IGDCC4: variants seen among roughly 807,000 people sequenced by gnomAD.
The protein encoded by IGDCC4 is likely ortholog of mouse neighbor of Punc E11.
In IGDCC4, 72 loss-of-function variants were observed where a neutral mutation model predicts 116.6. That is an observed-to-expected ratio of 0.62 (90% CI 0.51 to 0.75). The LOEUF (loss-of-function observed/expected upper bound fraction) is 0.75. Among genes scored for constraint, IGDCC4 ranks in the 30% least tolerant of loss-of-function variants. The pLI, the probability that IGDCC4 is intolerant of heterozygous loss-of-function variation, is 0.00. For missense variants in IGDCC4, 1,501 were observed against 1,662.4 expected, an observed-to-expected ratio of 0.90 and a Z score of 1.69; for synonymous variants, 709 against 719.9, an observed-to-expected ratio of 0.98 and a Z score of 0.24.
intron 7 of IGDCC4, 84 bp from the exon 8 acceptor site, chr15:65,395,342 T>C: frequency 7.2e-7 from 1 of 1,381,630 alleles, no homozygotes; most frequent in Non-Finnish European, 1.0e-6. Flanking sequence ...ATCCTTCATA[T>C]TGTCCTGGTG....
At chr15:65,412,134 G>T (rs559356299) in intron 1 of IGDCC4, among the ~76,000 whole-genome samples, 1 of 152,064 alleles carries the variant, frequency 6.6e-6, no homozygotes, top group South Asian at 2.1e-4. Flanking sequence ...AAGGAGGATC[G>T]CCTGAGCCTA....
Position 65,392,272 on chromosome 15 carries a change from T to G in IGDCC4, c.1984A>C (p.Lys662Gln). Residue 662 changes from lysine to glutamine, a missense_variant, in exon 11 of 20, where the codon AAA (lysine) becomes CAA (glutamine). Transcript: ENST00000352385. ...PPHPTQISGY[K>Q]LYWREVGAEE... is the part of the protein sequence containing the mutation. ...GCCCCCACCTCCCGCCAATATAGTT[T>G]GTAGCCAGAGATCTGGGTGGGGTGA... 6.2e-7 allele frequency: 1 copy of G among 1,609,246 alleles called. No homozygotes were observed. The highest frequency in any genetic ancestry group is 8.5e-7 in the Non-Finnish European group (1 of 1,177,314).
At chr15:65,404,671 G>GTGAATGAATGAA (rs58462797) in intron 3 of IGDCC4, among the ~76,000 whole-genome samples, 3,431 of 151,200 alleles carry the variant, frequency 0.023, 46 homozygotes, top group South Asian at 0.042. Context: ...ATGTGATTGA[G>GTGAATGAATGAA]TGAATGAATG....
chr15:65,410,623 C>G, intron 2 of IGDCC4: 1 of 489,472 alleles, frequency 2.0e-6, no homozygotes, highest in Admixed American at 3.3e-5. Flanking sequence ...CTCCTGAGAG[C>G]CCCCTAAGGG....
intron 2 of IGDCC4, chr15:65,410,526 C>T (rs2063081152): frequency 1.7e-6 from 1 of 602,550 alleles, no homozygotes; most frequent in Admixed American, 2.9e-5. Context: ...TCCAAAGCCC[C>T]CCTGCCCAAC....
In IGDCC4 at chr15:65,385,811, A is replaced by G. The variant is rs1372918016; in HGVS notation, c.3180+20T>C. 6.3e-7 allele frequency: 1 copy of G among 1,588,136 alleles called. No individual in the cohort carries two copies. Among genetic ancestry groups the G allele is most frequent in the Non-Finnish European group, 8.6e-7 (1 of 1,158,114 alleles). On this transcript the variant is annotated intron_variant, in intron 18 of 19. Transcript: ENST00000352385. ...GGTGTCCTATTTAGAAAAGAGCCGC[A>G]ATGTGGGGCTCTGACTTACCTTTCT...
rs567506121 is a variant in IGDCC4 at position 65,382,445 on chromosome 15, T to C, written c.*1564A>G. ...AAAAAAAGGAAAAATGGACTGGTTA[T>C]TTCGAATTTGGCCCAGAAGGCAGAG... On this transcript the variant is annotated 3_prime_UTR_variant, in exon 20 of 20. Coordinates refer to ENST00000352385, the MANE Select transcript of IGDCC4 (RefSeq NM_020962.3). 3.3e-5 allele frequency: 5 copies of C among 151,750 alleles called. No homozygotes were observed. Among genetic ancestry groups the C allele is most frequent in the African/African-American group, 9.7e-5 (4 of 41,178 alleles). 9.4% of individuals were successfully genotyped at this position (151,750 alleles called of 1,614,324 possible).
Position 65,411,336 on chromosome 15 carries a change from C to A in IGDCC4, c.105G>T (p.Glu35Asp). 6.3e-7 allele frequency: 1 copy of A among 1,593,192 alleles called. No homozygotes were observed. The highest frequency in any genetic ancestry group is 1.1e-5 in the South Asian group (1 of 88,240). Reference sequence around the variant, plus strand: ...GCAGTGGCCCCACTCCACAGCTCAGCTCCACAGTCGTCTCCTGGGGCAACA... The same window carrying A: ...GCAGTGGCCCCACTCCACAGCTCAGATCCACAGTCGTCTCCTGGGGCAACA... ...ELLLPQETTV[E>D]LSCGVGPLQV... The change falls in exon 2 of 20, where the codon GAG becomes GAT. Residue 35 changes from glutamate to aspartate, a missense_variant. Physicochemically the swap from Glu to Asp is conservative, Grantham distance 45. Around this residue, in one of 3 missense-constraint regions of IGDCC4, gnomAD observed 898 missense variants for 978.9 expected, o/e 0.92. Transcript: ENST00000352385.
chr15:65,405,829 C>T lies in IGDCC4; in HGVS notation c.564-3342G>A, dbSNP rs202094584. On this transcript the variant is annotated intron_variant, in intron 3 of 19. Coordinates refer to ENST00000352385, the MANE Select transcript of IGDCC4 (RefSeq NM_020962.3). ...TATAAAATGAAAAACAATCTCAACTCGAAAGGAAGGGATGATTCTTTTTCC... is the reference window on the plus strand; with the variant it reads ...TATAAAATGAAAAACAATCTCAACTTGAAAGGAAGGGATGATTCTTTTTCC... Among the ~76,000 whole-genome samples, 22 of 152,260 alleles carry T rather than the reference C, an allele frequency of 1.4e-4. No individual in the cohort carries two copies. The East Asian group carries it at 3.9e-3, about 27-fold the overall frequency.
At chr15:65,388,399 A>C in intron 16 of IGDCC4, 50 bp downstream of exon 16, 1 of 1,611,184 alleles carries the variant, frequency 6.2e-7, no homozygotes, top group Non-Finnish European at 8.5e-7. Flanking sequence ...GTCCACAGGC[A>C]GGGGCTTGGA....
chr15:65,391,987 G>A lies in IGDCC4; in HGVS notation c.2123-6C>T. 6.2e-7 allele frequency: 1 copy of A among 1,606,432 alleles called. No individual in the cohort carries two copies. The highest frequency in any genetic ancestry group is 8.5e-7 in the Non-Finnish European group (1 of 1,176,118). ...CTCGTACAGCCGGCCAGGGACTGGGGAAGGTTACAGGGCTTAATGGCTAGG... is the reference window on the plus strand; with the variant it reads ...CTCGTACAGCCGGCCAGGGACTGGGAAAGGTTACAGGGCTTAATGGCTAGG... On this transcript the variant is annotated splice_polypyrimidine_tract_variant and splice_region_variant and intron_variant, in intron 11 of 19. Transcript: ENST00000352385.
intron 18 of IGDCC4, 77 bp downstream of exon 18, chr15:65,385,754 G>T (rs921039913): frequency 2.5e-6 from 3 of 1,188,440 alleles, no homozygotes; most frequent in South Asian, 1.2e-5. Flanking sequence ...AGCCATGCTC[G>T]CATAGCCACG....
chr15:65,414,792 C>G lies in IGDCC4; in HGVS notation c.71-3422G>C, dbSNP rs531948286. On this transcript the variant is annotated intron_variant, in intron 1 of 19. Coordinates refer to ENST00000352385, the MANE Select transcript of IGDCC4 (RefSeq NM_020962.3). ...ATGTAGCTGGGATTACAGGCATGCG[C>G]CATCACACCTGACTAATTTTTGTAT... Among the ~76,000 whole-genome samples, 4 of 152,330 alleles carry G rather than the reference C, an allele frequency of 2.6e-5. No individual in the cohort carries two copies. The South Asian group carries it at 8.3e-4, about 32-fold the overall frequency.
chr15:65,397,122 C>T, intron 5 of IGDCC4, 133 bp from the exon 6 acceptor site: 2 of 1,157,232 alleles, frequency 1.7e-6, no homozygotes. Flanking sequence ...TCATTTCCTC[C>T]TCTTGCTGGG....
At position 65,385,074 on chromosome 15, in the gene IGDCC4, G is replaced by A. The variant is rs1425202556; in HGVS notation, c.3222C>T (p.Ser1074=). 1 of 1,604,000 alleles carries A rather than the reference G, an allele frequency of 6.2e-7. No homozygotes were observed. The highest frequency in any genetic ancestry group is 2.3e-5 in the East Asian group (1 of 44,398). ...CCTGGGGCAGCTCACAGCCTGCCCA[G>A]GAACCAGCCCAGCTCAGCCCGCTTG... The part of the protein sequence containing the change: ...AQPSGLSWAG[S]WAGCELPQAG... The change falls in exon 19 of 20, where the codon TCC becomes TCT. Residue 1074 remains serine (S), a synonymous_variant. Transcript: ENST00000352385.
At chr15:65,392,615 G>A (rs1274362001) in intron 10 of IGDCC4, among the ~76,000 whole-genome samples, 10 of 152,126 alleles carry the variant, frequency 6.6e-5, no homozygotes, top group Non-Finnish European at 1.5e-4. Context: ...GAATGCAGGG[G>A]TGTCCGCTGG....
intron 5 of IGDCC4, among the ~76,000 whole-genome samples, chr15:65,398,533 CAAAAAAAAAAAAAA>C (rs3082803): frequency 1.3e-5 from 1 of 77,646 alleles, no homozygotes; most frequent in Non-Finnish European, 2.5e-5. Flanking sequence ...AACTCCATCT[CAAAAAAAAAAAAAA>C]AAAAAAAAAG....
chr15:65,413,604 G>A (rs2063117842), intron 1 of IGDCC4, among the ~76,000 whole-genome samples: 1 of 152,234 alleles, frequency 6.6e-6, no homozygotes, highest in Non-Finnish European at 1.5e-5. Flanking sequence ...TCTCCCTGTT[G>A]TGTCTTCCAG....
intron 3 of IGDCC4, among the ~76,000 whole-genome samples, chr15:65,403,678 C>T (rs918447656): frequency 2.0e-5 from 3 of 152,248 alleles, no homozygotes; most frequent in East Asian, 3.9e-4. Flanking sequence ...CTGCCTGTCT[C>T]GGCAGCCATT....
Sources: gnomAD v4.1 joint callset for allele counts (sites outside exome capture counted in the v4.1 genomes callset) on GRCh38, gnomAD v4.1.1 for gene constraint, gnomAD v4.1.1 regional missense constraint, MANE v1.5 for transcripts, NCBI Gene and HGNC (gene_info 2026-07-23, HGNC 2026-07-21) for gene names.